The following OXCT1 variants were observed in gnomAD, a reference collection of about 807,000 sequenced individuals.
The protein encoded by OXCT1 is 3-oxoacid CoA-transferase 1, also known as succinyl-CoA:3-ketoacid coenzyme A transferase 1, mitochondrial.
In OXCT1, 27 loss-of-function variants were observed where a neutral mutation model predicts 69.6. The observed-to-expected ratio is 0.39, with a 90% CI of 0.29 to 0.54. The LOEUF (loss-of-function observed/expected upper bound fraction) is 0.54, where lower values mean the gene tolerates loss of function less well. Ranked by LOEUF, OXCT1 falls within the 20% of genes least tolerant of loss-of-function variation. OXCT1 has a pLI of 0.72. For synonymous variants in OXCT1, 202 were observed against 217.8 expected (o/e 0.93, Z 0.64); for missense variants, 437 against 650.2 (o/e 0.67, Z 3.57).
At chr5:41,853,375 T>C (rs778965207) in intron 4 of OXCT1, 44 bp downstream of exon 4, 29 of 1,579,426 alleles carry the variant, frequency 1.8e-5, no homozygotes, top group Non-Finnish European at 2.3e-5. Context: ...AAAAGGAATT[T>C]TTAAAGTAAG....
chr5:41,772,722 C>T (rs1399408174), intron 13 of OXCT1, among the ~76,000 whole-genome samples: 1 of 152,188 alleles, frequency 6.6e-6, no homozygotes, highest in Non-Finnish European at 1.5e-5. Context: ...AAATTGATAA[C>T]TCTGTGTTGG....
rs1461669051 is a variant in OXCT1, at chr5:41,870,368, G to T, written c.-10C>A. The stretch of plus-strand genomic sequence containing the variant: ...GTTTGAGAGCCGCCATCTTCGGGCG[G>T]TGAGGCAGGAGGAGGCTGCGGGTTG... On this transcript the variant is annotated 5_prime_UTR_variant, in exon 1 of 17. Transcript: ENST00000196371. This position sits in a 1 kb window ranked among gnomAD's most constrained non-coding sequence, Gnocchi z 4.2. The T allele has an allele frequency of 6.2e-6, 10 of 1,610,830 alleles. No homozygotes were observed. The highest frequency in any genetic ancestry group is 8.5e-6 in the Non-Finnish European group (10 of 1,178,278).
intron 13 of OXCT1, among the ~76,000 whole-genome samples, chr5:41,770,059 C>T (rs1180164743): frequency 2.0e-5 from 3 of 152,240 alleles, no homozygotes; most frequent in Non-Finnish European, 4.4e-5. Context: ...CACGCCCAGC[C>T]CTTGCTCATT....
intron 7 of OXCT1, among the ~76,000 whole-genome samples, chr5:41,837,295 T>C (rs1337682574): frequency 6.6e-6 from 1 of 151,376 alleles, no homozygotes; most frequent in Non-Finnish European, 1.5e-5. Context: ...TAAGAGTTCT[T>C]TATTTAAGAA....
At chr5:41,771,018 T>C (rs1744848744) in intron 13 of OXCT1, among the ~76,000 whole-genome samples, 1 of 152,216 alleles carries the variant, frequency 6.6e-6, no homozygotes, top group Non-Finnish European at 1.5e-5. Flanking sequence ...CTCACTTTAT[T>C]ACCATGATCA....
At chr5:41,852,037 TGA>T (rs1749196541) in intron 4 of OXCT1, among the ~76,000 whole-genome samples, 1 of 151,958 alleles carries the variant, frequency 6.6e-6, no homozygotes, top group Non-Finnish European at 1.5e-5. Flanking sequence ...ACCCAGAGAG[TGA>T]GCATGCATGC....
intron 7 of OXCT1, among the ~76,000 whole-genome samples, chr5:41,814,590 T>C (rs1354361673): frequency 4.6e-5 from 7 of 151,470 alleles, no homozygotes; most frequent in East Asian, 1.9e-4. Flanking sequence ...ATGGATGAAA[T>C]TGGAAATCAT....
At chr5:41,781,475 G>C (rs566937844) in intron 13 of OXCT1, among the ~76,000 whole-genome samples, 1 of 151,910 alleles carries the variant, frequency 6.6e-6, no homozygotes, top group South Asian at 2.1e-4. Flanking sequence ...TTAAGTAGCA[G>C]GGTACATGTG....
In OXCT1 at chr5:41,842,636, T is replaced by G. The variant is rs771379581; in HGVS notation, c.671+39A>C. On this transcript the variant is annotated intron_variant, in intron 6 of 16. Transcript: ENST00000196371. Reference sequence around the variant, plus strand: ...TCACTCTGATGTCCATTTTTAGAGTTGCTGATATGCACGAGTGTTTTTAAA... The same window carrying G: ...TCACTCTGATGTCCATTTTTAGAGTGGCTGATATGCACGAGTGTTTTTAAA... 3.7e-6 allele frequency: 5 copies of G among 1,348,510 alleles called. No individual in the cohort carries two copies. In the African/African-American group the frequency reaches 7.2e-5, roughly 19 times the overall value. The allele number at this position is 1,348,510 out of a possible 1,614,324, so 83.5% of individuals were successfully genotyped here. A position where few individuals can be genotyped will look rare whatever the true frequency, so the allele number is the denominator to read the frequency against.
chr5:41,819,463 C>T (rs200770575), intron 7 of OXCT1, among the ~76,000 whole-genome samples: 47 of 152,022 alleles, frequency 3.1e-4, no homozygotes, highest in African/African-American at 1.0e-3. Context: ...CTCCGCCTCC[C>T]GGGTTCAAGC....
At chr5:41,862,562 A>G (rs1380546690) in intron 2 of OXCT1, 80 bp downstream of exon 2, 1 of 782,864 alleles carries the variant, frequency 1.3e-6, no homozygotes, top group African/African-American at 1.7e-5. Context: ...ATTTTTATAC[A>G]TCTTTGTCAT....
Position 41,733,474 on chromosome 5 carries a change from C to T in OXCT1, c.1522-1704G>A, listed in dbSNP as rs191543959. On this transcript the variant is annotated intron_variant, in intron 16 of 16. Coordinates refer to ENST00000196371, the MANE Select transcript of OXCT1 (RefSeq NM_000436.4). ...GTTGGTAAGGCTGGTCTTGAACTCC[C>T]GACCTCAGGTGATCCACCTGCCTCA... is the stretch of plus-strand genomic sequence containing the variant. Among the ~76,000 whole-genome samples the T allele has an allele frequency of 3.4e-3, 516 of 151,966 alleles. 2 individuals carry two copies. The highest frequency in any genetic ancestry group is 0.011 in the African/African-American group (474 of 41,450).
chr5:41,746,756 G>T (rs1027290664), intron 15 of OXCT1, among the ~76,000 whole-genome samples: 2 of 151,964 alleles, frequency 1.3e-5, no homozygotes, highest in African/African-American at 4.8e-5. Context: ...TCACACTGAG[G>T]CTGTCCAAAC....
intron 16 of OXCT1, among the ~76,000 whole-genome samples, chr5:41,732,252 A>G (rs527788383): frequency 1.1e-4 from 17 of 152,376 alleles, no homozygotes; most frequent in African/African-American, 4.1e-4. Flanking sequence ...ACGTATGATC[A>G]ATGATAAATC....
chr5:41,798,870 G>C (rs1235087882), intron 11 of OXCT1, among the ~76,000 whole-genome samples: 4 of 152,150 alleles, frequency 2.6e-5, no homozygotes, highest in African/African-American at 4.8e-5. Context: ...TCAGTGTATA[G>C]AGAAAAAGGC....
At chr5:41,848,293 A>G (rs1009259756) in intron 5 of OXCT1, among the ~76,000 whole-genome samples, 3 of 150,806 alleles carry the variant, frequency 2.0e-5, no homozygotes, top group African/African-American at 4.9e-5. Flanking sequence ...GGATACAAAC[A>G]AATGGAAGAA....
intron 13 of OXCT1, among the ~76,000 whole-genome samples, chr5:41,789,551 T>C (rs1561077928): frequency 6.6e-6 from 1 of 152,226 alleles, no homozygotes; most frequent in Non-Finnish European, 1.5e-5. Context: ...AACAGTGATA[T>C]ACTACATGAT....
At chr5:41,759,658 G>A (rs2112092595) in intron 14 of OXCT1, among the ~76,000 whole-genome samples, 1 of 152,158 alleles carries the variant, frequency 6.6e-6, no homozygotes, top group Non-Finnish European at 1.5e-5. Flanking sequence ...GGTTGCAAGA[G>A]TTTCCTTTGT....
At chr5:41,858,291 T>C (rs968092261) in intron 3 of OXCT1, among the ~76,000 whole-genome samples, 3 of 152,154 alleles carry the variant, frequency 2.0e-5, no homozygotes, top group East Asian at 3.9e-4. Flanking sequence ...TTATCAGACA[T>C]TGATGATAAA....
Sources: gnomAD v4.1 joint callset for allele counts (sites outside exome capture counted in the v4.1 genomes callset) on GRCh38, gnomAD v4.1.1 for gene constraint, Gnocchi (gnomAD v3.1) non-coding constraint, MANE v1.5 for transcripts, NCBI Gene and HGNC (gene_info 2026-07-23, HGNC 2026-07-21) for gene names.